The following RALA variants were observed in gnomAD, a reference collection of about 807,000 sequenced individuals.
RALA encodes RAS like proto-oncogene A, also known as ras-related protein Ral-A.
RALA carries 5 observed loss-of-function variants against 24.0 expected under a neutral mutation model. The observed-to-expected ratio is 0.21, with a 90% CI of 0.11 to 0.44. The LOEUF is 0.44. RALA is among the 20% of genes least tolerant of loss of function. The probability of loss-of-function intolerance (pLI) is 0.99; values close to 1 mark genes in which losing one functional copy is unlikely to be tolerated. For synonymous variants in RALA, 77 were observed against 83.8 expected (o/e 0.92, Z 0.44); for missense variants, 95 against 241.2 (o/e 0.39, Z 4.01).
intron 1 of RALA, among the ~76,000 whole-genome samples, chr7:39,666,638 A>G (rs1018129025): frequency 1.3e-5 from 2 of 152,356 alleles, no homozygotes; most frequent in South Asian, 2.1e-4. Context: ...GGGGTGCCAC[A>G]TATACAAGTC....
At chr7:39,659,108 C>T (rs1263153113) in intron 1 of RALA, among the ~76,000 whole-genome samples, 2 of 151,940 alleles carry the variant, frequency 1.3e-5, no homozygotes, top group Non-Finnish European at 1.5e-5. Flanking sequence ...TGGCAGAACC[C>T]CTCTAGAAAA....
intron 1 of RALA, among the ~76,000 whole-genome samples, chr7:39,641,757 G>T (rs1791821834): frequency 6.6e-6 from 1 of 152,112 alleles, no homozygotes; most frequent in Non-Finnish European, 1.5e-5. Context: ...TGGTGATGGT[G>T]TTATTGATGT....
intron 1 of RALA, among the ~76,000 whole-genome samples, chr7:39,642,856 G>A (rs947944761): frequency 1.6e-4 from 24 of 152,190 alleles, no homozygotes; most frequent in Non-Finnish European, 3.2e-4. Context: ...GCTGGCTGTC[G>A]TAAAACTTTC....
chr7:39,676,196 C>T (rs368169526), intron 1 of RALA, among the ~76,000 whole-genome samples: 9 of 152,072 alleles, frequency 5.9e-5, no homozygotes, highest in African/African-American at 2.2e-4. Context: ...AGGATGGTCT[C>T]GATCTCCTGA....
intron 1 of RALA, among the ~76,000 whole-genome samples, chr7:39,647,608 A>G (rs1017160792): frequency 3.3e-5 from 5 of 152,120 alleles, no homozygotes; most frequent in African/African-American, 9.7e-5. Context: ...GTATGTTGAA[A>G]TCCTAGACCG....
intron 1 of RALA, among the ~76,000 whole-genome samples, chr7:39,660,276 G>A (rs1456056760): frequency 6.6e-6 from 1 of 151,638 alleles, no homozygotes; most frequent in African/African-American, 2.4e-5. Context: ...AACCCAGGAG[G>A]CAGAGGTTGC....
intron 1 of RALA, among the ~76,000 whole-genome samples, chr7:39,649,839 C>G (rs1465165585): frequency 6.6e-6 from 1 of 152,092 alleles, no homozygotes; most frequent in Non-Finnish European, 1.5e-5. Context: ...ATTGTGGTAT[C>G]CTGGAAACCA....
chr7:39,644,653 A>G (rs1469633205), intron 1 of RALA, among the ~76,000 whole-genome samples: 1 of 152,132 alleles, frequency 6.6e-6, no homozygotes, highest in Non-Finnish European at 1.5e-5. Flanking sequence ...TTTGGTTACT[A>G]TTTTGCCATA....
chr7:39,688,501 ATCT>A (rs970184763), intron 2 of RALA, among the ~76,000 whole-genome samples: 2 of 152,050 alleles, frequency 1.3e-5, no homozygotes, highest in African/African-American at 4.8e-5. Context: ...TTAAGAGCTA[ATCT>A]TCTCTCAGAC....
At chr7:39,646,362 C>G (rs1303399238) in intron 1 of RALA, among the ~76,000 whole-genome samples, 14 of 152,068 alleles carry the variant, frequency 9.2e-5, no homozygotes. Flanking sequence ...AGACTGGGCA[C>G]AGTGGCTCAC....
In RALA at chr7:39,706,816, T is replaced by G. The variant is rs1161452671; in HGVS notation, c.*571T>G. On this transcript the variant is annotated 3_prime_UTR_variant, in exon 5 of 5. Coordinates refer to ENST00000005257, the MANE Select transcript of RALA (RefSeq NM_005402.4). ...AGTAACTTAGAAAAGTGGTGTAAAC[T>G]TGTACATGGAATTTTTTGAATATGC... is the stretch of plus-strand genomic sequence containing the variant. The G allele has an allele frequency of 6.5e-6, 1 of 152,736 alleles. No individual in the cohort carries two copies. Among genetic ancestry groups the G allele is most frequent in the East Asian group, 1.9e-4 (1 of 5,210 alleles). The allele number at this position is 152,736 out of a possible 1,614,324, so 9.5% of individuals were successfully genotyped here. A position where few individuals can be genotyped will look rare whatever the true frequency, so the allele number is the denominator to read the frequency against.
chr7:39,654,370 C>G (rs558516721), intron 1 of RALA, among the ~76,000 whole-genome samples: 3 of 152,268 alleles, frequency 2.0e-5, no homozygotes, highest in African/African-American at 7.2e-5. Flanking sequence ...GGCTTACAGA[C>G]AGTTTATTCC....
chr7:39,626,713 T>C lies in RALA; in HGVS notation c.-38+2888T>C, dbSNP rs548648607. On this transcript the variant is annotated intron_variant, in intron 1 of 4. Transcript: ENST00000005257. The stretch of plus-strand genomic sequence containing the variant: ...ATTCTGGTGTTTGATTAGTGCTTTT[T>C]AAAGTAACAGAATCGTCCCTATTTG... Among the ~76,000 whole-genome samples the C allele has an allele frequency of 2.6e-5, 4 of 152,370 alleles. No homozygotes were observed. The South Asian group carries it at 8.3e-4, about 32-fold the overall frequency.
chr7:39,703,710 C>G (rs1365216839), intron 4 of RALA, among the ~76,000 whole-genome samples: 1 of 152,118 alleles, frequency 6.6e-6, no homozygotes, highest in East Asian at 1.9e-4. Context: ...TTGTTATTTC[C>G]AATTCAAATT....
At chr7:39,662,623 C>T (rs1792212670) in intron 1 of RALA, among the ~76,000 whole-genome samples, 1 of 152,158 alleles carries the variant, frequency 6.6e-6, no homozygotes, top group Non-Finnish European at 1.5e-5. Context: ...AGTTCCTCAT[C>T]TCCCATCTGA....
chr7:39,630,775 C>A (rs974888792), intron 1 of RALA, among the ~76,000 whole-genome samples: 13 of 151,858 alleles, frequency 8.6e-5, no homozygotes, highest in African/African-American at 2.9e-4. Flanking sequence ...AAAAAAAATT[C>A]TTGTTCCTTC....
intron 3 of RALA, among the ~76,000 whole-genome samples, chr7:39,695,415 T>C (rs1235613601): frequency 2.0e-5 from 3 of 151,984 alleles, no homozygotes; most frequent in Non-Finnish European, 4.4e-5. Flanking sequence ...TTTTTGGTTT[T>C]TGGTTTTTTT....
At chr7:39,663,551 A>G (rs6963428) in intron 1 of RALA, among the ~76,000 whole-genome samples, 13,874 of 151,906 alleles carry the variant, frequency 0.091, 1,437 homozygotes, top group African/African-American at 0.25. Context: ...TAATTGCCTG[A>G]TATGTACCAT....
intron 4 of RALA, chr7:39,701,147 G>A (rs1793019100): frequency 6.6e-6 from 1 of 152,190 alleles, no homozygotes; most frequent in Admixed American, 6.5e-5. Flanking sequence ...GGTTCGTGGT[G>A]GCATCTGCAG....
Sources: gnomAD v4.1 joint callset for allele counts (sites outside exome capture counted in the v4.1 genomes callset) on GRCh38, gnomAD v4.1.1 for gene constraint, MANE v1.5 for transcripts, NCBI Gene and HGNC (gene_info 2026-07-23, HGNC 2026-07-21) for gene names.